The following ZDHHC17 variants were observed in gnomAD, a reference collection of about 807,000 sequenced individuals.
ZDHHC17 encodes zDHHC palmitoyltransferase 17.
A neutral mutation model predicts 90.3 loss-of-function variants in ZDHHC17; 40 were observed. That is an observed-to-expected ratio of 0.44 (90% CI 0.34 to 0.58). The LOEUF is 0.58. Ranked by LOEUF, ZDHHC17 falls within the 20% of genes least tolerant of loss-of-function variation. The pLI is 0.01. For missense variants in ZDHHC17, 614 were observed against 780.8 expected, an observed-to-expected ratio of 0.79 and a Z score of 2.55; for synonymous variants, 235 against 252.4, an observed-to-expected ratio of 0.93 and a Z score of 0.65.
chr12:76,849,949 C>T (rs1448229612), intron 16 of ZDHHC17, among the ~76,000 whole-genome samples: 1 of 151,872 alleles, frequency 6.6e-6, no homozygotes, highest in African/African-American at 2.4e-5. Context: ...TAGACAGAGT[C>T]TTGCTCTGTC....
At position 76,828,177 on chromosome 12, in the gene ZDHHC17, T is replaced by G. The variant is rs369623415; in HGVS notation, c.1041-213T>G. Reference sequence around the variant, plus strand: ...AAGTATATGGAATGTAATTTAAATTTGGGGGGAATTAAAAGGAACTTCAGA... The same window carrying G: ...AAGTATATGGAATGTAATTTAAATTGGGGGGGAATTAAAAGGAACTTCAGA... On this transcript the variant is annotated intron_variant, in intron 9 of 16. Transcript: ENST00000426126. Among the ~76,000 whole-genome samples the G allele has an allele frequency of 6.6e-4, 101 of 152,206 alleles. 1 individual carries two copies. Among genetic ancestry groups the G allele is most frequent in the African/African-American group, 2.1e-3 (86 of 41,550 alleles).
intron 1 of ZDHHC17, among the ~76,000 whole-genome samples, chr12:76,766,189 C>G (rs915120478): frequency 6.6e-6 from 1 of 152,210 alleles, no homozygotes; most frequent in African/African-American, 2.4e-5. Flanking sequence ...TAGGATATTA[C>G]TAGAAAGTCA....
intron 7 of ZDHHC17, chr12:76,821,002 A>G: frequency 9.6e-7 from 1 of 1,044,736 alleles, no homozygotes; most frequent in Non-Finnish European, 1.3e-6. Context: ...AAATAGTTAG[A>G]TGACTGGAGG....
chr12:76,809,059 G>A lies in ZDHHC17; in HGVS notation c.337G>A (p.Gly113Ser), dbSNP rs778938832. ...GTCTTATAGATACTATATTTCGAAA[G>A]GTGCTATTGTGGATCAACTTGGAGG... ...IDLVKYYISK[G>S]AIVDQLGGDL... Residue 113 changes from glycine to serine, a missense_variant, in exon 4 of 17, where the codon GGT becomes AGT. Gly to Ser is a moderately conservative substitution (Grantham distance 56). Transcript: ENST00000426126. The A allele has an allele frequency of 6.5e-7, 1 of 1,530,512 alleles. No individual in the cohort carries two copies. Among genetic ancestry groups the A allele is most frequent in the Non-Finnish European group, 8.8e-7 (1 of 1,139,446 alleles). 94.8% of individuals were successfully genotyped at this position (1,530,512 alleles called of 1,614,324 possible).
intron 1 of ZDHHC17, among the ~76,000 whole-genome samples, chr12:76,785,860 A>G (rs960656268): frequency 6.6e-6 from 1 of 152,194 alleles, no homozygotes; most frequent in Non-Finnish European, 1.5e-5. Flanking sequence ...AGCTGGAAAA[A>G]GCAAACTGGG....
intron 1 of ZDHHC17, among the ~76,000 whole-genome samples, chr12:76,772,215 T>C (rs1036215249): frequency 6.6e-6 from 1 of 152,156 alleles, no homozygotes; most frequent in African/African-American, 2.4e-5. Context: ...ATAGAGATGA[T>C]AGAGTTGGAT....
intron 10 of ZDHHC17, among the ~76,000 whole-genome samples, chr12:76,834,167 A>G (rs1031053645): frequency 4.6e-5 from 7 of 152,204 alleles, no homozygotes; most frequent in Admixed American, 2.0e-4. Flanking sequence ...AATTGGACTC[A>G]TGACTGATTT....
chr12:76,833,752 C>G (rs898782863), intron 10 of ZDHHC17, among the ~76,000 whole-genome samples: 3 of 152,270 alleles, frequency 2.0e-5, no homozygotes, highest in East Asian at 3.9e-4. Context: ...GAGATTGCGC[C>G]ACTGCACTCC....
intron 10 of ZDHHC17, chr12:76,841,207 T>G (rs1445716860): frequency 6.6e-6 from 1 of 152,228 alleles, no homozygotes; most frequent in Non-Finnish European, 1.5e-5. Context: ...AATGATTTCA[T>G]TCAAGAAGCT....
intron 7 of ZDHHC17, among the ~76,000 whole-genome samples, chr12:76,818,079 A>AT (rs35257984): frequency 6.6e-6 from 1 of 152,032 alleles, no homozygotes; most frequent in African/African-American, 2.4e-5. Flanking sequence ...TTGACAAAAA[A>AT]TTTTTCTCAT....
chr12:76,825,294 TAAG>T (rs960244840), intron 8 of ZDHHC17, among the ~76,000 whole-genome samples: 22 of 152,182 alleles, frequency 1.4e-4, no homozygotes, highest in African/African-American at 3.9e-4. Context: ...TATTCCAAAA[TAAG>T]AAGTTTAATT....
chr12:76,782,694 G>C (rs1344810803), intron 1 of ZDHHC17, among the ~76,000 whole-genome samples: 1 of 152,154 alleles, frequency 6.6e-6, no homozygotes, highest in Non-Finnish European at 1.5e-5. Context: ...GGGAAGTCTT[G>C]TCAGAGAAAG....
intron 3 of ZDHHC17, among the ~76,000 whole-genome samples, chr12:76,805,689 T>C (rs1952947247): frequency 6.6e-6 from 1 of 152,210 alleles, no homozygotes; most frequent in Non-Finnish European, 1.5e-5. Flanking sequence ...AATATAACCG[T>C]ATATGAAATA....
intron 10 of ZDHHC17, among the ~76,000 whole-genome samples, chr12:76,836,693 CTT>C (rs1953367554): frequency 6.6e-6 from 1 of 152,074 alleles, no homozygotes; most frequent in Non-Finnish European, 1.5e-5. Flanking sequence ...GATTAAGCTT[CTT>C]AATTGGGTTG....
intron 8 of ZDHHC17, among the ~76,000 whole-genome samples, chr12:76,822,890 A>G (rs987461492): frequency 2.0e-5 from 3 of 152,026 alleles, no homozygotes; most frequent in African/African-American, 4.8e-5. Context: ...ATAATTTTTT[A>G]AGTAGGATTC....
chr12:76,798,145 G>A (rs1248376395), intron 2 of ZDHHC17, among the ~76,000 whole-genome samples: 1 of 152,102 alleles, frequency 6.6e-6, no homozygotes, highest in East Asian at 1.9e-4. Flanking sequence ...AACCATCAGT[G>A]TGCATCCAAT....
At chr12:76,767,329 T>A (rs1182233544) in intron 1 of ZDHHC17, among the ~76,000 whole-genome samples, 1 of 152,238 alleles carries the variant, frequency 6.6e-6, no homozygotes, top group East Asian at 1.9e-4. Context: ...CTTTAGTATT[T>A]GTTAAGCAGA....
At chr12:76,799,436 C>G (rs1226641360) in intron 2 of ZDHHC17, among the ~76,000 whole-genome samples, 1 of 152,162 alleles carries the variant, frequency 6.6e-6, no homozygotes, top group East Asian at 1.9e-4. Context: ...TCAGTGCAAA[C>G]CAAATTTCAG....
chr12:76,787,620 CT>C (rs1952704567), intron 1 of ZDHHC17, among the ~76,000 whole-genome samples: 3 of 30,254 alleles, frequency 9.9e-5, no homozygotes, highest in East Asian at 6.3e-4. Context: ...GTCTCTCCCT[CT>C]CTCTCTCTCT....
Sources: gnomAD v4.1 joint callset for allele counts (sites outside exome capture counted in the v4.1 genomes callset) on GRCh38, gnomAD v4.1.1 for gene constraint, MANE v1.5 for transcripts, NCBI Gene and HGNC (gene_info 2026-07-23, HGNC 2026-07-21) for gene names.